KLRF2: variants seen among roughly 807,000 people sequenced by gnomAD.
The protein encoded by KLRF2 is killer cell lectin like receptor F2.
A neutral mutation model predicts 25.3 loss-of-function variants in KLRF2; 28 were observed. The observed-to-expected ratio is 1.11, with a 90% CI of 0.82 to 1.52. The LOEUF (loss-of-function observed/expected upper bound fraction) is 1.52. KLRF2 is among the 40% of genes most tolerant of loss of function. The pLI, the probability that KLRF2 is intolerant of heterozygous loss-of-function variation, is 0.00. For synonymous variants in KLRF2, 73 were observed against 85.0 expected, an observed-to-expected ratio of 0.86 and a Z score of 0.78; for missense variants, 265 against 245.8, an observed-to-expected ratio of 1.08 and a Z score of -0.52.
rs773604327 is a variant in KLRF2, at chr12:9,884,932, A to C, written c.71-2A>C. ...CAAGAATTCTAAAATTCAACATTTC[A>C]GATTTCTCCCTATATCCACAATATT... On this transcript the variant is annotated splice_acceptor_variant, in intron 1 of 5. Coordinates refer to ENST00000535540, the MANE Select transcript of KLRF2 (RefSeq NM_001190765.1). LOFTEE classifies it high-confidence loss of function. 18 of 1,089,316 alleles carry C rather than the reference A, an allele frequency of 1.7e-5. No homozygotes were observed. Among genetic ancestry groups the C allele is most frequent in the Non-Finnish European group, 2.2e-5 (18 of 817,270 alleles). The allele number at this position is 1,089,316 out of a possible 1,614,324, so 67.5% of individuals were successfully genotyped here.
Position 9,881,552 on chromosome 12 carries a change from T to TGGATAA in KLRF2, c.-44_-43insGGATAA. 1 of 1,353,684 alleles carries TGGATAA rather than the reference T, an allele frequency of 7.4e-7. No homozygotes were observed. The highest frequency in any genetic ancestry group is 1.8e-4 in the Middle Eastern group (1 of 5,642). 83.9% of individuals were successfully genotyped at this position (1,353,684 alleles called of 1,614,324 possible). On this transcript the variant is annotated 5_prime_UTR_variant, in exon 1 of 6. Transcript: ENST00000535540. ...AAGGTTGAGATTAGTTTCCATTTTC[T>TGGATAA]TTGTACTATTTTCTGGATAATAAGA...
intron 2 of KLRF2, among the ~76,000 whole-genome samples, chr12:9,887,895 A>AAT (rs1311127691): frequency 6.6e-6 from 1 of 151,696 alleles, no homozygotes; most frequent in Non-Finnish European, 1.5e-5. Context: ...CTAATAAAAA[A>AAT]ATACACAAAA....
chr12:9,893,589 T>C, intron 5 of KLRF2, 48 bp downstream of exon 5: 1 of 664,868 alleles, frequency 1.5e-6, no homozygotes, highest in African/African-American at 1.8e-5. Flanking sequence ...ATAGAATTAT[T>C]TTTATATTAA....
At chr12:9,884,853 A>G in intron 1 of KLRF2, 81 bp from the exon 2 acceptor site, 1 of 456,366 alleles carries the variant, frequency 2.2e-6, no homozygotes. Flanking sequence ...AATGAACATG[A>G]GTTGTCTCTG....
intron 2 of KLRF2, 83 bp downstream of exon 2, chr12:9,885,115 C>G: frequency 2.3e-6 from 1 of 433,118 alleles, no homozygotes; most frequent in Admixed American, 4.5e-5. Flanking sequence ...AAGATAAACT[C>G]TACACTGTAG....
intron 2 of KLRF2, among the ~76,000 whole-genome samples, chr12:9,886,763 CAAAAAAAA>C (rs770999069): frequency 9.7e-6 from 1 of 103,510 alleles, no homozygotes; most frequent in Non-Finnish European, 1.9e-5. Flanking sequence ...CTATATCATG[CAAAAAAAA>C]AAAAAAAAAA....
At chr12:9,885,145 A>G in intron 2 of KLRF2, 113 bp downstream of exon 2, 1 of 352,372 alleles carries the variant, frequency 2.8e-6, no homozygotes, top group Non-Finnish European at 5.0e-6. Context: ...GGCATATGTC[A>G]TATTATAAAA....
chr12:9,885,078 T>C, intron 2 of KLRF2, 46 bp downstream of exon 2: 1 of 679,952 alleles, frequency 1.5e-6, no homozygotes, highest in South Asian at 5.9e-5. Context: ...AGAAGATAAA[T>C]GTTGATCCTT....
intron 5 of KLRF2, among the ~76,000 whole-genome samples, chr12:9,894,183 CT>C (rs1246898271): frequency 8.1e-6 from 1 of 123,594 alleles, no homozygotes; most frequent in African/African-American, 3.1e-5. Context: ...TTCTTTCTTT[CT>C]TTCTTTCTTT....
rs1337021907 is a variant in KLRF2 at position 9,893,135 on chromosome 12, A to C, written c.333A>C (p.Ala111=). The C allele has an allele frequency of 1.3e-6, 2 of 1,534,156 alleles. No homozygotes were observed. Among genetic ancestry groups the C allele is most frequent in the Non-Finnish European group, 1.7e-6 (2 of 1,145,854 alleles). Residue 111 remains alanine (A), a synonymous_variant, in exon 4 of 6, where the codon GCA becomes GCC. Transcript: ENST00000535540. Reference sequence around the variant, plus strand: ...AACGTGATTGTACACAGCTACAGGCACATTTACTGGTGATTCAAAATTTGG... The same window carrying C: ...AACGTGATTGTACACAGCTACAGGCCCATTTACTGGTGATTCAAAATTTGG... ...ESQRDCTQLQ[A]HLLVIQNLDE...
chr12:9,895,158 G>A (rs537271652), intron 5 of KLRF2, among the ~76,000 whole-genome samples: 3 of 152,252 alleles, frequency 2.0e-5, no homozygotes, highest in East Asian at 3.9e-4. Context: ...AATCTTGGGC[G>A]ACTGCCTCCC....
At chr12:9,891,213 G>A (rs575994936) in intron 3 of KLRF2, among the ~76,000 whole-genome samples, 6 of 152,114 alleles carry the variant, frequency 3.9e-5, no homozygotes, top group South Asian at 2.1e-4. Context: ...CCTGGCCCAC[G>A]ACAATGGCTA....
At chr12:9,894,365 T>C (rs147537310) in intron 5 of KLRF2, among the ~76,000 whole-genome samples, 1 of 152,146 alleles carries the variant, frequency 6.6e-6, no homozygotes, top group Non-Finnish European at 1.5e-5. Context: ...GTATGCTTTG[T>C]AGAGACGGGG....
Position 9,893,211 on chromosome 12 carries a change from G to T in KLRF2, c.366+43G>T, listed in dbSNP as rs538120874. 7.3e-6 allele frequency: 11 copies of T among 1,505,740 alleles called. No homozygotes were observed. In the South Asian group the frequency reaches 1.3e-4, roughly 17 times the overall value. The allele number at this position is 1,505,740 out of a possible 1,614,324, so 93.3% of individuals were successfully genotyped here. On this transcript the variant is annotated intron_variant, in intron 4 of 5. Transcript: ENST00000535540. ...GGATCTAACTGCACAAGGAAAAATG[G>T]CTTAGGTGCAAGTTCACTGCCTAAG... is the stretch of plus-strand genomic sequence containing the variant.
chr12:9,882,840 G>A (rs1186780427), intron 1 of KLRF2, among the ~76,000 whole-genome samples: 2 of 152,022 alleles, frequency 1.3e-5, no homozygotes, highest in Non-Finnish European at 2.9e-5. Context: ...TATGGCTCTG[G>A]GCAGAAGCTT....
chr12:9,886,114 A>T (rs1366892034), intron 2 of KLRF2, among the ~76,000 whole-genome samples: 1 of 152,178 alleles, frequency 6.6e-6, no homozygotes, highest in East Asian at 1.9e-4. Flanking sequence ...GCTATTGAGA[A>T]GAAATCAATG....
chr12:9,894,235 G>T (rs1375976971), intron 5 of KLRF2, among the ~76,000 whole-genome samples: 2 of 149,868 alleles, frequency 1.3e-5, no homozygotes, highest in African/African-American at 4.9e-5. Flanking sequence ...AGGCTGGAGT[G>T]CAGTGGCATG....
intron 2 of KLRF2, among the ~76,000 whole-genome samples, chr12:9,887,472 G>A (rs552375774): frequency 6.6e-6 from 1 of 152,268 alleles, no homozygotes; most frequent in East Asian, 1.9e-4. Context: ...TTTTAACTTA[G>A]ATTTGAAACA....
chr12:9,889,848 A>T (rs1006660496), intron 3 of KLRF2, among the ~76,000 whole-genome samples: 5 of 152,160 alleles, frequency 3.3e-5, no homozygotes, highest in Admixed American at 2.0e-4. Context: ...TATATGCTAT[A>T]TCAATATATA....
Sources: gnomAD v4.1 joint callset for allele counts (sites outside exome capture counted in the v4.1 genomes callset) on GRCh38, gnomAD v4.1.1 for gene constraint, MANE v1.5 for transcripts, NCBI Gene and HGNC (gene_info 2026-07-23, HGNC 2026-07-21) for gene names.